The following STAU1 variants were observed in gnomAD, a reference collection of about 807,000 sequenced individuals.
The protein encoded by STAU1 is staufen double-stranded RNA binding protein 1, also known as double-stranded RNA-binding protein Staufen homolog 1.
A neutral mutation model predicts 62.9 loss-of-function variants in STAU1; 13 were observed. The observed-to-expected ratio is 0.21, with a 90% CI of 0.13 to 0.33. The LOEUF (loss-of-function observed/expected upper bound fraction) is 0.33, where lower values mean the gene tolerates loss of function less well. Among genes scored for constraint, STAU1 ranks in the 10% least tolerant of loss-of-function variants. The probability of loss-of-function intolerance (pLI) is 1.00; values close to 1 mark genes in which losing one functional copy is unlikely to be tolerated. For synonymous variants in STAU1, 269 were observed against 265.1 expected (o/e 1.01, Z -0.14); for missense variants, 571 against 712.1 (o/e 0.80, Z 2.25).
chr20:49,187,567 C>A (rs1254187900), intron 1 of STAU1, among the ~76,000 whole-genome samples: 2 of 152,190 alleles, frequency 1.3e-5, no homozygotes, highest in African/African-American at 2.4e-5. Flanking sequence ...TTACACGCCC[C>A]ATTTCACTGA....
In STAU1 at chr20:49,151,699, A is replaced by C; in HGVS notation, c.393T>G (p.Leu131=). The change falls in exon 5 of 14, where the codon CTT becomes CTG. Residue 131 remains leucine, a synonymous_variant. Coordinates refer to ENST00000371856, the MANE Select transcript of STAU1 (RefSeq NM_017453.4). Reference sequence around the variant, plus strand: ...CATTAAATTGCTGTCCTCCCACAGAAAGTTCCACTTGATAAAGTAAAGGTG... The same window carrying C: ...CATTAAATTGCTGTCCTCCCACAGACAGTTCCACTTGATAAAGTAAAGGTG... ...PVPPLLYQVE[L]SVGGQQFNGK... is the part of the protein sequence containing the mutation. 4 of 1,611,434 alleles carry C rather than the reference A, an allele frequency of 2.5e-6. No homozygotes were observed. The highest frequency in any genetic ancestry group is 2.5e-6 in the Non-Finnish European group (3 of 1,179,176).
chr20:49,133,505 G>A (rs993947391), intron 6 of STAU1, among the ~76,000 whole-genome samples: 4 of 152,124 alleles, frequency 2.6e-5, no homozygotes, highest in Admixed American at 1.3e-4. Flanking sequence ...AACAGGTGCC[G>A]GGGGAGACCT....
At chr20:49,206,617 C>A in the STAU1 span, among the ~76,000 whole-genome samples, 1 of 146,052 alleles carries the variant, frequency 6.8e-6, no homozygotes, top group East Asian at 2.0e-4. Flanking sequence ...TCGAGTGAAC[C>A]GCCCAAAGTA....
chr20:49,212,844 C>A, the STAU1 span, among the ~76,000 whole-genome samples: 1 of 151,670 alleles, frequency 6.6e-6, no homozygotes, highest in Non-Finnish European at 1.5e-5. Flanking sequence ...GTGGTCCACC[C>A]ACCTTGGCCT....
In STAU1 at chr20:49,120,057, C is replaced by A; in HGVS notation, c.1038G>T (p.Glu346Asp). ...TGAAACCAAGGATCTCCAGCATGTT[C>A]TCGGCTGCATTGCGCTTGGCCACCT... Reference protein sequence around the residue: ...NKKVAKRNAAENMLEILGFKV... With the variant: ...NKKVAKRNAADNMLEILGFKV... The change falls in exon 9 of 14, where the codon GAG becomes GAT. Residue 346 changes from glutamate to aspartate, a missense_variant. Transcript: ENST00000371856. The A allele has an allele frequency of 6.2e-7, 1 of 1,614,228 alleles. No individual in the cohort carries two copies. The highest frequency in any genetic ancestry group is 8.5e-7 in the Non-Finnish European group (1 of 1,180,034).
upstream of STAU1, among the ~76,000 whole-genome samples, chr20:49,192,357 A>G (rs898746955): frequency 1.1e-4 from 16 of 151,786 alleles, no homozygotes; most frequent in African/African-American, 3.9e-4. Flanking sequence ...AAAAAAAAAA[A>G]AAAAGAAAAA....
the STAU1 span, among the ~76,000 whole-genome samples, chr20:49,219,010 C>G: frequency 0.31 from 39,093 of 126,020 alleles, 6,657 homozygotes; most frequent in African/African-American, 0.46. Flanking sequence ...CCAAACCCTG[C>G]CTCAAAAAAA....
Position 49,117,331 on chromosome 20 carries a change from G to T in STAU1, c.1510-83C>A. On this transcript the variant is annotated intron_variant, in intron 11 of 13. Transcript: ENST00000371856. This position sits in a 1 kb window ranked among gnomAD's most constrained non-coding sequence, Gnocchi z 4.6. ...AGGGCTGCAGCTCCAGGCCCCACAA[G>T]CAAGATCACCAGCTCTTTTTTCCAA... 2 of 1,526,668 alleles carry T rather than the reference G, an allele frequency of 1.3e-6. No homozygotes were observed. The highest frequency in any genetic ancestry group is 1.8e-6 in the Non-Finnish European group (2 of 1,118,350). 94.6% of individuals were successfully genotyped at this position (1,526,668 alleles called of 1,614,324 possible). A position where few individuals can be genotyped will look rare whatever the true frequency, so the allele number is the denominator to read the frequency against.
chr20:49,207,304 C>A, the STAU1 span, among the ~76,000 whole-genome samples: 4 of 151,912 alleles, frequency 2.6e-5, no homozygotes, highest in Non-Finnish European at 5.9e-5. Context: ...GTCCACCATG[C>A]CACTTTTCTC....
chr20:49,163,578 G>A (rs559030707), intron 3 of STAU1, among the ~76,000 whole-genome samples: 82 of 150,588 alleles, frequency 5.4e-4, no homozygotes, highest in South Asian at 2.7e-3. Flanking sequence ...GGCACACACC[G>A]CTACACCTGG....
intron 3 of STAU1, chr20:49,158,828 G>A (rs1373508370): frequency 2.4e-5 from 17 of 719,102 alleles, no homozygotes; most frequent in Non-Finnish European, 3.4e-5. Flanking sequence ...AGCCGGGCGC[G>A]GTGGCTCATG....
chr20:49,178,815 T>C (rs1470449366), intron 1 of STAU1, among the ~76,000 whole-genome samples: 2 of 150,070 alleles, frequency 1.3e-5, no homozygotes, highest in African/African-American at 4.9e-5. Flanking sequence ...GGCTCACGCC[T>C]GTAATCCCAG....
intron 7 of STAU1, 150 bp from the exon 8 acceptor site, chr20:49,123,385 G>GA: frequency 1.1e-6 from 1 of 937,064 alleles, no homozygotes; most frequent in Non-Finnish European, 1.6e-6. Context: ...TTTTAACAAT[G>GA]AAAAGATGCT....
At chr20:49,135,752 T>A (rs1411295798) in intron 6 of STAU1, 81 bp downstream of exon 6, 8 of 1,000,334 alleles carry the variant, frequency 8.0e-6, no homozygotes, top group Non-Finnish European at 1.2e-5. Flanking sequence ...ATTCCAATGA[T>A]ATTTAGGGGA....
intron 5 of STAU1, among the ~76,000 whole-genome samples, chr20:49,136,689 A>C (rs1233317604): frequency 6.6e-6 from 1 of 151,976 alleles, no homozygotes; most frequent in Non-Finnish European, 1.5e-5. Flanking sequence ...TTGAACATAA[A>C]TTCCCTGGAA....
rs576718043 is a variant in STAU1, at chr20:49,148,988, T to C, written c.510+2594A>G. Among the ~76,000 whole-genome samples, 54 of 152,212 alleles carry C rather than the reference T, an allele frequency of 3.5e-4. 3 individuals carry two copies. In the South Asian group the frequency reaches 0.01, roughly 29 times the overall value. On this transcript the variant is annotated intron_variant, in intron 5 of 13. Transcript: ENST00000371856. The stretch of plus-strand genomic sequence containing the variant: ...CAACATGGCCAGGTATGGTGGCTCA[T>C]GCCCATAATCCCAGCACTTTGGAAG...
Position 49,188,321 on chromosome 20 carries a change from C to G in STAU1, c.-365G>C, listed in dbSNP as rs910521949. The stretch of plus-strand genomic sequence containing the variant: ...CCGAGAGAGACGCGGCAGCCGCCGG[C>G]GCAAACGCTGAAGAGCCGCTCAGGC... On this transcript the variant is annotated 5_prime_UTR_variant, in exon 1 of 14. Transcript: ENST00000371856. 6.6e-6 allele frequency: 1 copy of G among 151,874 alleles called. No homozygotes were observed. Among genetic ancestry groups the G allele is most frequent in the Admixed American group, 6.6e-5 (1 of 15,250 alleles). The allele number at this position is 151,874 out of a possible 1,614,324, so 9.4% of individuals were successfully genotyped here.
At chr20:49,115,309 GT>G (rs1010970363) in intron 13 of STAU1, among the ~76,000 whole-genome samples, 4 of 150,446 alleles carry the variant, frequency 2.7e-5, no homozygotes, top group African/African-American at 4.9e-5. Flanking sequence ...AGGTTTTTTT[GT>G]TTTTTTTTGG....
chr20:49,140,308 G>C (rs2092981066), intron 5 of STAU1, among the ~76,000 whole-genome samples: 1 of 152,080 alleles, frequency 6.6e-6, no homozygotes, highest in African/African-American at 2.4e-5. Context: ...TCCACTTCTA[G>C]ATATACACCC....
Sources: allele counts gnomAD v4.1 joint callset (sites outside exome capture counted in the v4.1 genomes callset), GRCh38; gene constraint gnomAD v4.1.1; non-coding constraint Gnocchi (gnomAD v3.1); transcripts MANE v1.5; gene names NCBI Gene and HGNC (gene_info 2026-07-23, HGNC 2026-07-21).